Variants in RIMS2 observed in about 807,000 individuals in gnomAD.
RIMS2 encodes the protein regulating synaptic membrane exocytosis protein 2.
A neutral mutation model predicts 174.4 loss-of-function variants in RIMS2; 59 were observed. The ratio of observed to expected loss-of-function variants is 0.34; its 90% CI spans 0.27 to 0.42. The LOEUF (loss-of-function observed/expected upper bound fraction) is 0.42, where lower values mean the gene tolerates loss of function less well. Among genes scored for constraint, RIMS2 ranks in the 10% least tolerant of loss-of-function variants. RIMS2 has a pLI of 1.00. For synonymous variants in RIMS2, 606 were observed against 572.5 expected (o/e 1.06, Z -0.84); for missense variants, 1,620 against 1,666.3 (o/e 0.97, Z 0.48).
intron 3 of RIMS2, among the ~76,000 whole-genome samples, chr8:103,884,553 A>G (rs2099188547): frequency 6.6e-6 from 1 of 151,888 alleles, no homozygotes; most frequent in Non-Finnish European, 1.5e-5. Flanking sequence ...CTCTGAGACT[A>G]TAAGGAAATA....
chr8:104,108,884 A>G (rs1000430342), intron 19 of RIMS2, among the ~76,000 whole-genome samples: 2 of 152,138 alleles, frequency 1.3e-5, no homozygotes, highest in Non-Finnish European at 2.9e-5. Context: ...ATAGAGACTT[A>G]GAGTTCTGAT....
At chr8:103,640,202 T>G (rs1265883181) in intron 1 of RIMS2, among the ~76,000 whole-genome samples, 1 of 151,942 alleles carries the variant, frequency 6.6e-6, no homozygotes, top group Non-Finnish European at 1.5e-5. Context: ...ATTTTTTAAA[T>G]CTTTTTAATG....
intron 1 of RIMS2, among the ~76,000 whole-genome samples, chr8:103,585,216 G>A (rs930811623): frequency 6.6e-6 from 1 of 152,094 alleles, no homozygotes. Flanking sequence ...TCAGAATGGC[G>A]ATTATTAAAA....
chr8:104,011,973 T>A (rs2095776656), intron 17 of RIMS2, among the ~76,000 whole-genome samples: 1 of 151,968 alleles, frequency 6.6e-6, no homozygotes, highest in African/African-American at 2.4e-5. Context: ...TTTAAAATAG[T>A]TTTTCAGAAA....
At chr8:104,111,487 A>C (rs898178371) in intron 19 of RIMS2, among the ~76,000 whole-genome samples, 2 of 152,174 alleles carry the variant, frequency 1.3e-5, no homozygotes, top group African/African-American at 2.4e-5. Flanking sequence ...AGCTCACTGC[A>C]ACCTCTGCCT....
At chr8:103,941,622 T>TA (rs796769278) in intron 13 of RIMS2, among the ~76,000 whole-genome samples, 7 of 151,994 alleles carry the variant, frequency 4.6e-5, no homozygotes, top group Non-Finnish European at 7.4e-5. Context: ...CACAACCTCC[T>TA]AAAAAAAATA....
intron 3 of RIMS2, among the ~76,000 whole-genome samples, chr8:103,790,652 A>G (rs2098488305): frequency 6.6e-6 from 1 of 151,920 alleles, no homozygotes. Flanking sequence ...TTTTATTTGT[A>G]TTTCCCTAAT....
chr8:103,764,018 A>G (rs969964955), intron 2 of RIMS2, among the ~76,000 whole-genome samples: 9 of 152,364 alleles, frequency 5.9e-5, no homozygotes, highest in Admixed American at 4.6e-4. Context: ...ATTGCTGGGC[A>G]CTGCCCCAGA....
chr8:103,607,854 G>T (rs536626857), intron 1 of RIMS2, among the ~76,000 whole-genome samples: 1,512 of 133,116 alleles, frequency 0.011, 72 homozygotes, highest in African/African-American at 0.043. Flanking sequence ...AGCTCCATCA[G>T]CTCCTTTAAG....
chr8:104,202,261 A>G (rs1006419183), intron 19 of RIMS2, among the ~76,000 whole-genome samples: 1 of 152,214 alleles, frequency 6.6e-6, no homozygotes, highest in Non-Finnish European at 1.5e-5. Context: ...CTTAGGACAT[A>G]TTTAACTTAT....
At chr8:103,537,142 G>A (rs1484950720) in intron 1 of RIMS2, among the ~76,000 whole-genome samples, 1 of 152,098 alleles carries the variant, frequency 6.6e-6, no homozygotes, top group Admixed American at 6.6e-5. Context: ...AACTTATTTT[G>A]CGTGTGTGTG....
chr8:104,181,579 A>C (rs1001108078), intron 19 of RIMS2, among the ~76,000 whole-genome samples: 1 of 151,798 alleles, frequency 6.6e-6, no homozygotes, highest in South Asian at 2.1e-4. Flanking sequence ...AATTATGTCA[A>C]GATAACAAAA....
At chr8:103,920,935 C>G in intron 9 of RIMS2, 1 of 308,470 alleles carries the variant, frequency 3.2e-6, no homozygotes, top group South Asian at 2.5e-5. Context: ...GGAGGCGGAG[C>G]TTGCAGTGAG....
chr8:103,572,377 AC>A lies in RIMS2; in HGVS notation c.176+71316del, dbSNP rs200360271. On this transcript the variant is annotated intron_variant, in intron 1 of 23. Coordinates refer to ENST00000504942, the Ensembl canonical transcript of RIMS2. ...TGCCGATTGGTCCATTTTACAGAGCACTGATTGGTCCATTTTACAGAGCACT... is the reference window on the plus strand; with the variant it reads ...TGCCGATTGGTCCATTTTACAGAGCATGATTGGTCCATTTTACAGAGCACT... 6.4e-3 allele frequency among the ~76,000 whole-genome samples: 666 copies of A among 103,376 alleles called. 23 individuals carry two copies. Among genetic ancestry groups the A allele is most frequent in the Admixed American group, 0.043 (532 of 12,366 alleles). The allele number at this position is 103,376 out of a possible 152,430, so 67.8% of individuals were successfully genotyped here.
intron 2 of RIMS2, among the ~76,000 whole-genome samples, chr8:103,710,500 C>G (rs140175268): frequency 6.6e-6 from 1 of 152,010 alleles, no homozygotes; most frequent in East Asian, 1.9e-4. Context: ...TATTTTTAGT[C>G]AAGTGAAAAA....
intron 4 of RIMS2, among the ~76,000 whole-genome samples, chr8:103,890,267 A>G (rs2099235633): frequency 6.6e-6 from 1 of 152,000 alleles, no homozygotes; most frequent in East Asian, 1.9e-4. Flanking sequence ...CAGGGTGGAA[A>G]GAGTATGCTT....
chr8:104,026,426 A>T (rs890536374), intron 19 of RIMS2, among the ~76,000 whole-genome samples: 1 of 152,134 alleles, frequency 6.6e-6, no homozygotes, highest in African/African-American at 2.4e-5. Flanking sequence ...GGTTTTGGAA[A>T]GTTAACATCT....
intron 1 of RIMS2, among the ~76,000 whole-genome samples, chr8:103,619,569 T>C (rs1302526705): frequency 6.6e-6 from 1 of 151,932 alleles, no homozygotes; most frequent in African/African-American, 2.4e-5. Context: ...TCAAGGTTGG[T>C]AAACAGTGGG....
chr8:103,568,866 G>C, intron 1 of RIMS2: 3 of 1,152,908 alleles, frequency 2.6e-6, no homozygotes, highest in Admixed American at 1.7e-5. Context: ...GTTAATTGCT[G>C]TCTGAATATT....
Sources: gnomAD v4.1 joint callset for allele counts (sites outside exome capture counted in the v4.1 genomes callset) on GRCh38, gnomAD v4.1.1 for gene constraint, MANE v1.5 for transcripts, NCBI Gene and HGNC (gene_info 2026-07-23, HGNC 2026-07-21) for gene names.